GALNT13: variants seen among roughly 807,000 people sequenced by gnomAD.
GALNT13 encodes the protein UDP-GalNAc:polypeptide N-acetylgalactosaminyltransferase 13.
GALNT13 carries 28 observed loss-of-function variants against 64.2 expected under a neutral mutation model. That is an observed-to-expected ratio of 0.44 (90% confidence interval 0.32 to 0.60). GALNT13 has a LOEUF of 0.60. GALNT13 is among the 20% of genes least tolerant of loss of function. The probability of loss-of-function intolerance (pLI) is 0.05; values close to 1 mark genes in which losing one functional copy is unlikely to be tolerated. For synonymous variants in GALNT13, 214 were observed against 224.6 expected (o/e 0.95, Z 0.42); for missense variants, 577 against 669.8 (o/e 0.86, Z 1.53).
At chr2:153,731,336 A>G in the GALNT13 span, among the ~76,000 whole-genome samples, 1,218 of 151,974 alleles carry the variant, frequency 8.0e-3, 8 homozygotes, top group South Asian at 0.015. Context: ...AATAATAGAT[A>G]TCAGAGATTG....
chr2:153,618,401 C>A, the GALNT13 span, among the ~76,000 whole-genome samples: 1 of 151,590 alleles, frequency 6.6e-6, no homozygotes, highest in African/African-American at 2.4e-5. Flanking sequence ...GACATTATTT[C>A]CTTTTTTTTA....
intron 9 of GALNT13, among the ~76,000 whole-genome samples, chr2:154,343,296 C>T (rs1189713750): frequency 1.3e-5 from 2 of 151,980 alleles, no homozygotes; most frequent in African/African-American, 4.8e-5. Flanking sequence ...GAGATGGGAG[C>T]TATCTGTTTA....
the GALNT13 span, among the ~76,000 whole-genome samples, chr2:153,720,356 G>A: frequency 5.1e-4 from 76 of 150,082 alleles, no homozygotes; most frequent in African/African-American, 1.8e-3. Context: ...CCACAAAGAT[G>A]GGGAAAAAAC....
chr2:153,427,388 G>T, the GALNT13 span, among the ~76,000 whole-genome samples: 2 of 152,092 alleles, frequency 1.3e-5, no homozygotes, highest in African/African-American at 4.8e-5. Context: ...AGAAGTTTAG[G>T]ATGTAAGAGA....
the GALNT13 span, among the ~76,000 whole-genome samples, chr2:153,600,565 A>G: frequency 1.1e-4 from 17 of 152,054 alleles, no homozygotes; most frequent in South Asian, 3.5e-3. Context: ...CTGGGTCTGC[A>G]CTAGTGCATT....
chr2:154,190,946 T>C (rs1358102511), intron 4 of GALNT13, among the ~76,000 whole-genome samples: 1 of 152,242 alleles, frequency 6.6e-6, no homozygotes, highest in Admixed American at 6.5e-5. Flanking sequence ...AAATCTGGTG[T>C]GTATCTTATA....
At chr2:153,409,987 G>T in the GALNT13 span, among the ~76,000 whole-genome samples, 1 of 152,128 alleles carries the variant, frequency 6.6e-6, no homozygotes, top group Non-Finnish European at 1.5e-5. Flanking sequence ...CAGAGTGAAA[G>T]ATTATTTACA....
At chr2:153,461,310 A>G in the GALNT13 span, among the ~76,000 whole-genome samples, 1 of 152,092 alleles carries the variant, frequency 6.6e-6, no homozygotes, top group Non-Finnish European at 1.5e-5. Context: ...AACACATGAA[A>G]GTTAGAAGAT....
chr2:154,196,548 A>G (rs1206520559), intron 4 of GALNT13, among the ~76,000 whole-genome samples: 2 of 152,216 alleles, frequency 1.3e-5, no homozygotes. Context: ...TAGAAATAAA[A>G]AGCAAGCTGT....
At chr2:153,409,468 A>C in the GALNT13 span, among the ~76,000 whole-genome samples, 2 of 151,644 alleles carry the variant, frequency 1.3e-5, no homozygotes, top group African/African-American at 4.8e-5. Flanking sequence ...ATATCTGGAA[A>C]AAGCTAACAG....
chr2:153,213,171 G>A, the GALNT13 span, among the ~76,000 whole-genome samples: 5 of 152,192 alleles, frequency 3.3e-5, no homozygotes, highest in African/African-American at 1.2e-4. Context: ...ACTCAGCACT[G>A]CAGGGAGCAT....
intron 3 of GALNT13, among the ~76,000 whole-genome samples, chr2:153,946,937 G>A (rs1691797253): frequency 6.6e-6 from 1 of 152,000 alleles, no homozygotes; most frequent in South Asian, 2.1e-4. Flanking sequence ...GTAAGCAGAT[G>A]ATGCTGTGCA....
At chr2:153,369,856 A>G in the GALNT13 span, among the ~76,000 whole-genome samples, 1 of 152,144 alleles carries the variant, frequency 6.6e-6, no homozygotes, top group Non-Finnish European at 1.5e-5. Context: ...TCAGTTGAGT[A>G]CAGGTGAAGC....
At chr2:154,409,135 A>G (rs1258320452) in intron 11 of GALNT13, 53 bp downstream of exon 11, 1 of 1,088,416 alleles carries the variant, frequency 9.2e-7, no homozygotes. Flanking sequence ...ATATTGTTAA[A>G]ACTATCAGTG....
At chr2:153,186,795 A>G in the GALNT13 span, among the ~76,000 whole-genome samples, 1 of 152,052 alleles carries the variant, frequency 6.6e-6, no homozygotes, top group African/African-American at 2.4e-5. Context: ...TTGAACTCCT[A>G]CCTCAGGTGA....
chr2:153,985,567 T>G (rs780611466), intron 3 of GALNT13, among the ~76,000 whole-genome samples: 5 of 151,994 alleles, frequency 3.3e-5, no homozygotes, highest in Non-Finnish European at 7.4e-5. Context: ...CCCGGCATAA[T>G]AGTTACCTCA....
the GALNT13 span, among the ~76,000 whole-genome samples, chr2:153,166,156 T>G: frequency 1.3e-5 from 2 of 152,182 alleles, no homozygotes; most frequent in African/African-American, 2.4e-5. Flanking sequence ...CAGACAGATT[T>G]TAATATGGCT....
the GALNT13 span, among the ~76,000 whole-genome samples, chr2:153,463,283 G>A: frequency 6.6e-6 from 1 of 152,014 alleles, no homozygotes; most frequent in South Asian, 2.1e-4. Context: ...CCAAATCCAA[G>A]TGTGTATTAG....
chr2:153,713,228 T>G, the GALNT13 span, among the ~76,000 whole-genome samples: 1 of 152,186 alleles, frequency 6.6e-6, no homozygotes, highest in Non-Finnish European at 1.5e-5. Context: ...AGGTAAAAGA[T>G]AAAATACATT....
Sources: allele counts gnomAD v4.1 joint callset (sites outside exome capture counted in the v4.1 genomes callset), GRCh38; gene constraint gnomAD v4.1.1; transcripts MANE v1.5; gene names NCBI Gene and HGNC (gene_info 2026-07-23, HGNC 2026-07-21).